Variants in ACVR1C observed in about 807,000 individuals in gnomAD.
The protein encoded by ACVR1C is activin receptor type-1C.
ACVR1C carries 23 observed loss-of-function variants against 57.9 expected under a neutral mutation model. The observed-to-expected ratio is 0.40, with a 90% CI of 0.29 to 0.56. ACVR1C has a LOEUF of 0.56. Among genes scored for constraint, ACVR1C ranks in the 20% least tolerant of loss-of-function variants. The probability of loss-of-function intolerance (pLI) is 0.50; values close to 1 mark genes in which losing one functional copy is unlikely to be tolerated. For synonymous variants in ACVR1C, 214 were observed against 215.3 expected, an observed-to-expected ratio of 0.99 and a Z score of 0.05; for missense variants, 480 against 607.9, an observed-to-expected ratio of 0.79 and a Z score of 2.21.
At chr2:157,544,202 ATTTTTT>A (rs765521635) in intron 5 of ACVR1C, among the ~76,000 whole-genome samples, 1 of 116,960 alleles carries the variant, frequency 8.5e-6, no homozygotes, top group African/African-American at 3.3e-5. Flanking sequence ...CCACAACCAG[ATTTTTT>A]TTTTTTTTTT....
At chr2:157,591,919 C>A (rs925350021) in intron 1 of ACVR1C, among the ~76,000 whole-genome samples, 6 of 151,972 alleles carry the variant, frequency 3.9e-5, no homozygotes, top group Non-Finnish European at 8.8e-5. Flanking sequence ...AGCAATGGTA[C>A]CTTTCATGAC....
chr2:157,599,664 A>C (rs184657750), intron 1 of ACVR1C, among the ~76,000 whole-genome samples: 1 of 152,228 alleles, frequency 6.6e-6, no homozygotes, highest in African/African-American at 2.4e-5. Flanking sequence ...TGTTTGTCAA[A>C]TCTATGATTT....
Position 157,529,334 on chromosome 2 carries a change from T to G in ACVR1C, c.*4584A>C, listed in dbSNP as rs192240850. 2 of 152,270 alleles carry G rather than the reference T, an allele frequency of 1.3e-5. No individual in the cohort carries two copies. The highest frequency in any genetic ancestry group is 1.3e-4 in the Admixed American group (2 of 15,280). 9.4% of individuals were successfully genotyped at this position (152,270 alleles called of 1,614,324 possible). A position where few individuals can be genotyped will look rare whatever the true frequency, so the allele number is the denominator to read the frequency against. ...TCAACAACCATTCTACAACTCTTTC[T>G]TAGCCTAGTTTAGTTTTTCTCATTG... On this transcript the variant is annotated 3_prime_UTR_variant, in exon 9 of 9. Coordinates refer to ENST00000243349, the MANE Select transcript of ACVR1C (RefSeq NM_145259.3).
In ACVR1C at chr2:157,534,036, C is replaced by T. The variant is rs774102483; in HGVS notation, c.1364G>A (p.Arg455Gln). The T allele has an allele frequency of 1.9e-5, 29 of 1,562,596 alleles. No homozygotes were observed. The highest frequency in any genetic ancestry group is 8.5e-5 in the South Asian group (7 of 82,086). Reference sequence around the variant, plus strand: ...CTCACGCATTATTCTCCCCATGACTCGGAGTGCCTTTAAGAGAGAAAAAAA... The same window carrying T: ...CTCACGCATTATTCTCCCCATGACTTGGAGTGCCTTTAAGAGAGAAAAAAA... The part of the protein sequence containing the change: ...PNQWQSCEAL[R>Q]VMGRIMRECW... Residue 455 changes from arginine (R) to glutamine (Q), a missense_variant, in exon 9 of 9, where the codon CGA (arginine) becomes CAA (glutamine). Transcript: ENST00000243349.
At chr2:157,565,164 A>G (rs369067854) in intron 2 of ACVR1C, among the ~76,000 whole-genome samples, 20 of 152,208 alleles carry the variant, frequency 1.3e-4, no homozygotes, top group South Asian at 6.2e-4. Flanking sequence ...GAGGAGGGAA[A>G]TAAGAAAAAG....
rs1355428233 is a variant in ACVR1C, at chr2:157,528,503, G to A, written c.*5415C>T. 6.6e-6 allele frequency: 1 copy of A among 152,104 alleles called. No individual in the cohort carries two copies. The highest frequency in any genetic ancestry group is 1.5e-5 in the Non-Finnish European group (1 of 68,008). The allele number at this position is 152,104 out of a possible 1,614,324, so 9.4% of individuals were successfully genotyped here. On this transcript the variant is annotated 3_prime_UTR_variant, in exon 9 of 9. Transcript: ENST00000243349. ...ATTCATCTACAACTGAAAGAGAAAA[G>A]TATGCTGGCAGTTCTATTATTGTTA...
chr2:157,549,062 T>G, intron 4 of ACVR1C, among the ~76,000 whole-genome samples: 1 of 152,196 alleles, frequency 6.6e-6, no homozygotes, highest in African/African-American at 2.4e-5. Flanking sequence ...TAGCTGCTAT[T>G]CAAAACTCCT....
At chr2:157,611,071 G>A (rs1682521206) in intron 1 of ACVR1C, among the ~76,000 whole-genome samples, 1 of 152,096 alleles carries the variant, frequency 6.6e-6, no homozygotes, top group Admixed American at 6.5e-5. Flanking sequence ...ACGTTCCCTT[G>A]AAGGTGTCAT....
At chr2:157,552,980 C>T (rs1687956823) in intron 3 of ACVR1C, among the ~76,000 whole-genome samples, 1 of 152,146 alleles carries the variant, frequency 6.6e-6, no homozygotes, top group Non-Finnish European at 1.5e-5. Flanking sequence ...AGCAACCTAC[C>T]CAGTTTCTTG....
intron 2 of ACVR1C, among the ~76,000 whole-genome samples, chr2:157,586,783 A>G (rs1688932605): frequency 6.6e-6 from 1 of 152,158 alleles, no homozygotes; most frequent in African/African-American, 2.4e-5. Flanking sequence ...AAAGTTGGCA[A>G]TCTGCTATTT....
intron 2 of ACVR1C, among the ~76,000 whole-genome samples, chr2:157,558,269 C>T (rs1688150225): frequency 6.6e-6 from 1 of 152,178 alleles, no homozygotes; most frequent in Non-Finnish European, 1.5e-5. Context: ...AGCTTGACAC[C>T]AGCACCTTAG....
chr2:157,556,266 A>T lies in ACVR1C; in HGVS notation c.371T>A (p.Leu124His). ...TGTCAGCATCGCAGCTATGGACAGG[A>T]GGCAAACAGGCACAGTAATAATGAT... ...LAIIITVPVC[L>H]LSIAAMLTVW... The change falls in exon 3 of 9, where the codon CTC (leucine) becomes CAC (histidine). Residue 124 changes from leucine to histidine, a missense_variant. Physicochemically the swap from Leu to His is moderately conservative, Grantham distance 99. Transcript: ENST00000243349. The T allele has an allele frequency of 6.2e-7, 1 of 1,614,182 alleles. No individual in the cohort carries two copies. Among genetic ancestry groups the T allele is most frequent in the Non-Finnish European group, 8.5e-7 (1 of 1,180,042 alleles).
intron 2 of ACVR1C, among the ~76,000 whole-genome samples, chr2:157,564,811 T>C (rs748812914): frequency 6.6e-6 from 1 of 152,152 alleles, no homozygotes; most frequent in Non-Finnish European, 1.5e-5. Context: ...TGCAGGGACA[T>C]GGATAAAGCT....
intron 1 of ACVR1C, among the ~76,000 whole-genome samples, chr2:157,623,740 TG>T (rs1682837306): frequency 1.3e-5 from 2 of 152,092 alleles, no homozygotes; most frequent in South Asian, 4.1e-4. Context: ...AAATAAAGAA[TG>T]TAATTGGATT....
intron 2 of ACVR1C, among the ~76,000 whole-genome samples, chr2:157,565,554 C>A (rs1031556458): frequency 6.6e-6 from 1 of 152,092 alleles, no homozygotes; most frequent in Non-Finnish European, 1.5e-5. Context: ...TCAATATGAA[C>A]CTTATATACT....
At chr2:157,607,470 T>A (rs1410288847) in intron 1 of ACVR1C, among the ~76,000 whole-genome samples, 1 of 151,770 alleles carries the variant, frequency 6.6e-6, no homozygotes, top group African/African-American at 2.4e-5. Context: ...TGATTCCATA[T>A]GAATTTTAGG....
rs1687414085 is a variant in ACVR1C at position 157,533,780 on chromosome 2, T to A, written c.*138A>T. 1.4e-6 allele frequency: 1 copy of A among 731,580 alleles called. No individual in the cohort carries two copies. The highest frequency in any genetic ancestry group is 1.8e-5 in the African/African-American group (1 of 54,726). 45.3% of individuals were successfully genotyped at this position (731,580 alleles called of 1,614,324 possible). Reference sequence around the variant, plus strand: ...GCTTAACTTTAGAGTTATCTTTTCATGCTGCCTTATGGGCACTTAAATACT... The same window carrying A: ...GCTTAACTTTAGAGTTATCTTTTCAAGCTGCCTTATGGGCACTTAAATACT... On this transcript the variant is annotated 3_prime_UTR_variant, in exon 9 of 9. Transcript: ENST00000243349.
chr2:157,596,312 C>T (rs557967063), intron 1 of ACVR1C, among the ~76,000 whole-genome samples: 4 of 152,110 alleles, frequency 2.6e-5, no homozygotes, highest in Admixed American at 6.5e-5. Flanking sequence ...TTTCCTAACA[C>T]ATTACCTTCA....
intron 1 of ACVR1C, among the ~76,000 whole-genome samples, chr2:157,625,772 G>A (rs1682882465): frequency 6.6e-6 from 1 of 152,150 alleles, no homozygotes; most frequent in African/African-American, 2.4e-5. Flanking sequence ...CAAGAAATTA[G>A]AAGAGAATGC....
Sources: gnomAD v4.1 joint callset for allele counts (sites outside exome capture counted in the v4.1 genomes callset) on GRCh38, gnomAD v4.1.1 for gene constraint, MANE v1.5 for transcripts, NCBI Gene and HGNC (gene_info 2026-07-23, HGNC 2026-07-21) for gene names.